MYO6: variants seen among roughly 807,000 people sequenced by gnomAD.
MYO6 encodes the protein unconventional myosin-VI.
Under a neutral mutation model 178.7 loss-of-function variants are expected in MYO6, and 74 were observed. The ratio of observed to expected loss-of-function variants is 0.41; its 90% CI spans 0.34 to 0.50. MYO6 has a LOEUF of 0.50. Among genes scored for constraint, MYO6 ranks in the 20% least tolerant of loss-of-function variants. MYO6 has a pLI of 0.09. For synonymous variants in MYO6, 477 were observed against 504.6 expected (o/e 0.95, Z 0.73); for missense variants, 1,330 against 1,547.4 (o/e 0.86, Z 2.36).
chr6:75,763,859 AT>A (rs1778163781), intron 1 of MYO6, among the ~76,000 whole-genome samples: 1 of 152,172 alleles, frequency 6.6e-6, no homozygotes, highest in South Asian at 2.1e-4. Flanking sequence ...TTTGAAAAAA[AT>A]ATTTTTCTGT....
chr6:75,868,533 AAC>A (rs1776883094), intron 18 of MYO6, among the ~76,000 whole-genome samples: 1 of 152,100 alleles, frequency 6.6e-6, no homozygotes, highest in Non-Finnish European at 1.5e-5. Context: ...TGAGCCTTGA[AAC>A]TTCTTATAAT....
chr6:75,907,610 C>CT lies in MYO6; in HGVS notation c.3183dup (p.Ala1062CysfsTer12). ...AAAATGTGTAATAATTACAGAGGTC[C>CT]TGCTGTACTAGCCACCAAAGCAGCT... On this transcript the variant is annotated frameshift_variant, in exon 31 of 35. Coordinates refer to ENST00000369977, the MANE Select transcript of MYO6 (RefSeq NM_004999.4). LOFTEE classifies it high-confidence loss of function. 1 of 1,611,392 alleles carries CT rather than the reference C, an allele frequency of 6.2e-7. No homozygotes were observed. The highest frequency in any genetic ancestry group is 8.5e-7 in the Non-Finnish European group (1 of 1,177,880).
chr6:75,896,700 G>C lies in MYO6; in HGVS notation c.3137+1440G>C, dbSNP rs548416209. Among the ~76,000 whole-genome samples the C allele has an allele frequency of 2.6e-5, 4 of 152,318 alleles. No individual in the cohort carries two copies. In the East Asian group the frequency reaches 7.7e-4, roughly 29 times the overall value. ...CATGGAGTAGTTCTTCCTTGGGTAG[G>C]ACATTTGGCATTCCTTTCCCCTTAC... On this transcript the variant is annotated intron_variant, in intron 29 of 34. Coordinates refer to ENST00000369977, the MANE Select transcript of MYO6 (RefSeq NM_004999.4).
At chr6:75,802,695 C>T (rs1769610641) in intron 1 of MYO6, among the ~76,000 whole-genome samples, 1 of 151,810 alleles carries the variant, frequency 6.6e-6, no homozygotes. Context: ...CTTTGTTGCC[C>T]AGGCTGGTCT....
chr6:75,889,261 T>G (rs543207435), intron 25 of MYO6, among the ~76,000 whole-genome samples: 185 of 152,328 alleles, frequency 1.2e-3, no homozygotes, highest in African/African-American at 4.3e-3. Flanking sequence ...TAAATTAAAA[T>G]TAACCCACCC....
chr6:75,816,418 C>G (rs1771251589), intron 1 of MYO6, among the ~76,000 whole-genome samples: 1 of 152,222 alleles, frequency 6.6e-6, no homozygotes, highest in South Asian at 2.1e-4. Context: ...TGCAGTGATA[C>G]AGTCATAGCT....
At chr6:75,808,987 A>T (rs12196105) in intron 1 of MYO6, among the ~76,000 whole-genome samples, 19,596 of 152,168 alleles carry the variant, frequency 0.13, 1,330 homozygotes, top group Non-Finnish European at 0.15. Flanking sequence ...GGTAGAGGAA[A>T]TAATCTTATG....
chr6:75,822,990 A>G, intron 3 of MYO6, 139 bp downstream of exon 3: 1 of 705,496 alleles, frequency 1.4e-6, no homozygotes, highest in African/African-American at 1.8e-5. Context: ...ATTCATGTGA[A>G]TGAAGGAACT....
intron 1 of MYO6, among the ~76,000 whole-genome samples, chr6:75,794,613 A>G (rs895612321): frequency 6.6e-6 from 1 of 152,134 alleles, no homozygotes; most frequent in Non-Finnish European, 1.5e-5. Context: ...AAAGGACTCA[A>G]ATACGTACCT....
intron 3 of MYO6, among the ~76,000 whole-genome samples, chr6:75,826,192 A>G (rs1772450781): frequency 6.6e-6 from 1 of 152,192 alleles, no homozygotes; most frequent in African/African-American, 2.4e-5. Context: ...ACATTCTGGC[A>G]AGACAGGGTT....
In MYO6 at chr6:75,794,382, C is replaced by T. The variant is rs118059002; in HGVS notation, c.-47-23119C>T. On this transcript the variant is annotated intron_variant, in intron 1 of 34. Transcript: ENST00000369977. Reference sequence around the variant, plus strand: ...CATATTATCATGGAAGTTTAGGGCACCCAGGATTAAGGCAAGATCCTTCAA... The same window carrying T: ...CATATTATCATGGAAGTTTAGGGCATCCAGGATTAAGGCAAGATCCTTCAA... 3.8e-3 allele frequency among the ~76,000 whole-genome samples: 583 copies of T among 152,094 alleles called. 3 individuals carry two copies. The highest frequency in any genetic ancestry group is 6.5e-3 in the Non-Finnish European group (443 of 68,000).
intron 11 of MYO6, among the ~76,000 whole-genome samples, chr6:75,851,238 T>G (rs1013116048): frequency 6.6e-6 from 1 of 152,188 alleles, no homozygotes; most frequent in Non-Finnish European, 1.5e-5. Flanking sequence ...GCCCAAAAGG[T>G]AATGCTATTT....
chr6:75,833,191 T>A (rs1773299225), intron 6 of MYO6, among the ~76,000 whole-genome samples: 2 of 152,344 alleles, frequency 1.3e-5, no homozygotes, highest in South Asian at 2.1e-4. Flanking sequence ...TCTTACTGTG[T>A]TGCCTAGGCT....
At chr6:75,783,283 A>G (rs116827145) in intron 1 of MYO6, among the ~76,000 whole-genome samples, 283 of 152,122 alleles carry the variant, frequency 1.9e-3, no homozygotes, top group African/African-American at 6.4e-3. Flanking sequence ...TAGTTTTTCT[A>G]TCCTTTGGGA....
At chr6:75,823,615 GTTA>G (rs1772135252) in intron 3 of MYO6, among the ~76,000 whole-genome samples, 1 of 152,174 alleles carries the variant, frequency 6.6e-6, no homozygotes, top group African/African-American at 2.4e-5. Flanking sequence ...GAATAGATGT[GTTA>G]TTATTGATTT....
intron 14 of MYO6, 28 bp downstream of exon 14, chr6:75,859,021 G>A (rs1384466194): frequency 7.3e-7 from 1 of 1,372,386 alleles, no homozygotes; most frequent in Non-Finnish European, 1.0e-6. Flanking sequence ...TTTAATTTAA[G>A]ATCTGCATAA....
At chr6:75,802,681 C>G (rs1426248392) in intron 1 of MYO6, among the ~76,000 whole-genome samples, 1 of 151,786 alleles carries the variant, frequency 6.6e-6, no homozygotes, top group Admixed American at 6.6e-5. Flanking sequence ...AGACAGGGAT[C>G]TCACTTTGTT....
chr6:75,784,970 T>C (rs1767388786), intron 1 of MYO6, among the ~76,000 whole-genome samples: 1 of 152,176 alleles, frequency 6.6e-6, no homozygotes, highest in African/African-American at 2.4e-5. Context: ...TAATTCCTTA[T>C]GCTTTTAGTA....
chr6:75,867,162 T>A (rs1421996117), intron 18 of MYO6, 57 bp downstream of exon 18: 15 of 1,348,814 alleles, frequency 1.1e-5, no homozygotes, highest in Non-Finnish European at 1.5e-5. Flanking sequence ...TATTGTTTTA[T>A]ATTCTAAAAT....
Sources: allele counts gnomAD v4.1 joint callset (sites outside exome capture counted in the v4.1 genomes callset), GRCh38; gene constraint gnomAD v4.1.1; transcripts MANE v1.5; gene names NCBI Gene and HGNC (gene_info 2026-07-23, HGNC 2026-07-21).